The following BBS9 variants were observed in gnomAD, a reference collection of about 807,000 sequenced individuals.
The protein encoded by BBS9 is Bardet-Biedl syndrome 9, also known as protein PTHB1.
BBS9 carries 89 observed loss-of-function variants against 117.7 expected under a neutral mutation model. The observed-to-expected ratio is 0.76, with a 90% CI of 0.64 to 0.90. The LOEUF is 0.90. Ranked by LOEUF, BBS9 falls within the 40% of genes least tolerant of loss-of-function variation. BBS9 has a pLI of 0.00. For missense variants in BBS9, 982 were observed against 1,042.2 expected (o/e 0.94, Z 0.80); for synonymous variants, 379 against 370.9 (o/e 1.02, Z -0.25).
chr7:33,452,412 G>A (rs1411013750), intron 19 of BBS9, among the ~76,000 whole-genome samples: 1 of 151,878 alleles, frequency 6.6e-6, no homozygotes, highest in African/African-American at 2.4e-5. Flanking sequence ...TTTTTGAATA[G>A]TCAAAACAAT....
chr7:33,424,964 TA>T (rs1485050111), intron 19 of BBS9, among the ~76,000 whole-genome samples: 1 of 152,156 alleles, frequency 6.6e-6, no homozygotes, highest in Non-Finnish European at 1.5e-5. Flanking sequence ...ATTAATATTT[TA>T]AAAATGTTTA....
At chr7:33,354,459 G>A (rs899385499) in intron 15 of BBS9, among the ~76,000 whole-genome samples, 1 of 152,120 alleles carries the variant, frequency 6.6e-6, no homozygotes, top group Admixed American at 6.5e-5. Flanking sequence ...AAACATGAAT[G>A]CAGATGAAGC....
chr7:33,413,147 T>G (rs2128828506), intron 19 of BBS9, among the ~76,000 whole-genome samples: 1 of 152,228 alleles, frequency 6.6e-6, no homozygotes, highest in Admixed American at 6.5e-5. Context: ...TCAGAGAAAA[T>G]ACAGTTTCAA....
chr7:33,346,153 T>G, intron 12 of BBS9: 1 of 395,002 alleles, frequency 2.5e-6, no homozygotes, highest in Non-Finnish European at 5.2e-6. Context: ...ACACAATGTC[T>G]TCCTGATCCT....
chr7:33,292,222 A>C (rs920269533), intron 9 of BBS9, among the ~76,000 whole-genome samples: 4 of 131,332 alleles, frequency 3.0e-5, no homozygotes, highest in Middle Eastern at 4.1e-3. Flanking sequence ...TTGGCTACTT[A>C]AAAATGTTTT....
intron 19 of BBS9, among the ~76,000 whole-genome samples, chr7:33,397,459 C>G (rs1483873042): frequency 6.6e-6 from 1 of 152,110 alleles, no homozygotes; most frequent in Non-Finnish European, 1.5e-5. Flanking sequence ...CGAGCAATCC[C>G]ATTACTGAGT....
At chr7:33,161,634 C>T (rs1321259530) in intron 4 of BBS9, among the ~76,000 whole-genome samples, 1 of 152,082 alleles carries the variant, frequency 6.6e-6, no homozygotes, top group Admixed American at 6.5e-5. Flanking sequence ...GGGTGTATAC[C>T]CAGTAATGGG....
chr7:33,349,835 T>C (rs892953512), intron 13 of BBS9, among the ~76,000 whole-genome samples: 4 of 152,190 alleles, frequency 2.6e-5, no homozygotes, highest in African/African-American at 9.7e-5. Flanking sequence ...ACTTTGGAGT[T>C]TGGCCTGAGT....
chr7:33,435,971 G>A (rs1563173841), intron 19 of BBS9, among the ~76,000 whole-genome samples: 1 of 152,166 alleles, frequency 6.6e-6, no homozygotes, highest in African/African-American at 2.4e-5. Flanking sequence ...TTACTTGGGG[G>A]AGGTGGCTTT....
chr7:33,209,553 C>T (rs1334892704), intron 5 of BBS9, among the ~76,000 whole-genome samples: 3 of 152,078 alleles, frequency 2.0e-5, no homozygotes, highest in African/African-American at 7.2e-5. Context: ...CTAATTATTC[C>T]CATCAATAGT....
chr7:33,218,515 G>A (rs1327548954), intron 5 of BBS9, among the ~76,000 whole-genome samples: 1 of 152,206 alleles, frequency 6.6e-6, no homozygotes. Flanking sequence ...AACTGAACTG[G>A]CCAAGCCAGA....
At chr7:33,226,199 A>C (rs1791241260) in intron 5 of BBS9, among the ~76,000 whole-genome samples, 1 of 152,218 alleles carries the variant, frequency 6.6e-6, no homozygotes, top group Non-Finnish European at 1.5e-5. Context: ...GTGACCCAGA[A>C]GAGGAAAATT....
intron 9 of BBS9, among the ~76,000 whole-genome samples, chr7:33,332,752 A>T (rs937530983): frequency 2.6e-5 from 4 of 152,184 alleles, no homozygotes; most frequent in Non-Finnish European, 4.4e-5. Flanking sequence ...TAATGTCCCT[A>T]AACAAATTAC....
At chr7:33,390,542 T>C in intron 19 of BBS9, 2 of 964,762 alleles carry the variant, frequency 2.1e-6, no homozygotes, top group Non-Finnish European at 2.5e-6. Context: ...TTAATTTTTA[T>C]GTACCTTGCC....
In BBS9 at chr7:33,257,552, C is replaced by T; in HGVS notation, c.617+142C>T. On this transcript the variant is annotated intron_variant, in intron 6 of 22. Transcript: ENST00000242067. ...AAATATGTGATTGTGGTGACTTAGACTATATCATTTACTATTGTAAAATAT... is the reference window on the plus strand; with the variant it reads ...AAATATGTGATTGTGGTGACTTAGATTATATCATTTACTATTGTAAAATAT... The T allele has an allele frequency of 6.3e-6, 5 of 796,058 alleles. No homozygotes were observed. The South Asian group carries it at 7.8e-5, about 12-fold the overall frequency. 49.3% of individuals were successfully genotyped at this position (796,058 alleles called of 1,614,324 possible).
At chr7:33,179,462 A>G (rs1445315424) in intron 5 of BBS9, among the ~76,000 whole-genome samples, 2 of 152,162 alleles carry the variant, frequency 1.3e-5, no homozygotes, top group African/African-American at 2.4e-5. Flanking sequence ...ATCTGGCTGC[A>G]TGAGATTCTC....
At chr7:33,524,643 T>C (rs958884137) in intron 20 of BBS9, among the ~76,000 whole-genome samples, 60 of 152,228 alleles carry the variant, frequency 3.9e-4, no homozygotes, top group Non-Finnish European at 7.9e-4. Flanking sequence ...TCTCTCTTTT[T>C]TTCTTTATTA....
At chr7:33,397,911 C>T (rs1332266733) in intron 19 of BBS9, among the ~76,000 whole-genome samples, 1 of 151,890 alleles carries the variant, frequency 6.6e-6, no homozygotes, top group African/African-American at 2.4e-5. Context: ...TGCAACAAAC[C>T]ACTGTGGCAC....
At chr7:33,360,433 A>T (rs1009813748) in intron 16 of BBS9, among the ~76,000 whole-genome samples, 1 of 152,042 alleles carries the variant, frequency 6.6e-6, no homozygotes, top group African/African-American at 2.4e-5. Context: ...TAATATGCTT[A>T]ATAATTATAT....
Sources: allele counts gnomAD v4.1 joint callset (sites outside exome capture counted in the v4.1 genomes callset), GRCh38; gene constraint gnomAD v4.1.1; transcripts MANE v1.5; gene names NCBI Gene and HGNC (gene_info 2026-07-23, HGNC 2026-07-21).